Variants in MYH15 observed in about 807,000 individuals in gnomAD.
The protein encoded by MYH15 is myosin-15.
MYH15 carries 227 observed loss-of-function variants against 240.5 expected under a neutral mutation model. The observed-to-expected ratio is 0.94, with a 90% CI of 0.85 to 1.05. The LOEUF is 1.05. Ranked by LOEUF, MYH15 falls within the 50% of genes least tolerant of loss-of-function variation. The pLI is 0.00. For missense variants in MYH15, 2,217 were observed against 2,247.5 expected (o/e 0.99, Z 0.27); for synonymous variants, 785 against 796.7 (o/e 0.99, Z 0.25).
At chr3:108,388,419 G>A (rs2082399118) in intron 38 of MYH15, among the ~76,000 whole-genome samples, 1 of 152,192 alleles carries the variant, frequency 6.6e-6, no homozygotes, top group African/African-American at 2.4e-5. Flanking sequence ...TATTGCTTGA[G>A]ACCAATGTTA....
the MYH15 span, among the ~76,000 whole-genome samples, chr3:108,544,403 C>T: frequency 2.6e-5 from 4 of 152,194 alleles, no homozygotes; most frequent in South Asian, 6.2e-4. Context: ...GAAACATAGC[C>T]TCTGAAAATA....
At chr3:108,401,223 T>C (rs1490625053) in intron 33 of MYH15, among the ~76,000 whole-genome samples, 1 of 152,172 alleles carries the variant, frequency 6.6e-6, no homozygotes, top group African/African-American at 2.4e-5. Flanking sequence ...TATTTGGAGA[T>C]AGGGCCTTTA....
At chr3:108,422,162 CTACAGATTT>C (rs938051197) in intron 27 of MYH15, among the ~76,000 whole-genome samples, 1 of 151,644 alleles carries the variant, frequency 6.6e-6, no homozygotes, top group Admixed American at 6.6e-5. Flanking sequence ...TTCCATGGTT[CTACAGATTT>C]TACATAGCTG....
Position 108,505,750 on chromosome 3 carries a change from T to C in MYH15, c.168A>G (p.Thr56=), listed in dbSNP as rs753612120. 5 of 1,612,568 alleles carry C rather than the reference T, an allele frequency of 3.1e-6. No individual in the cohort carries two copies. The highest frequency in any genetic ancestry group is 2.2e-5 in the South Asian group (2 of 90,798). ...CTCCATCTGCTGTCTCAACAATTACTGTTCCATCATCTTCACTCCCTTTTA... is the reference window on the plus strand; with the variant it reads ...CTCCATCTGCTGTCTCAACAATTACCGTTCCATCATCTTCACTCCCTTTTA... ...AEVKGSEDDG[T]VIVETADGES... The change falls in exon 2 of 41, where the codon ACA becomes ACG. Residue 56 remains threonine (T), a synonymous_variant. Coordinates refer to ENST00000693548, the MANE Select transcript of MYH15 (RefSeq NM_014981.3).
chr3:108,522,136 C>T (rs571853143), intron 1 of MYH15, among the ~76,000 whole-genome samples: 36 of 151,944 alleles, frequency 2.4e-4, no homozygotes, highest in Non-Finnish European at 5.0e-4. Flanking sequence ...CCAATAGACT[C>T]GGAGGGCAGG....
In MYH15 at chr3:108,454,168, C is replaced by T. The variant is rs1576243147; in HGVS notation, c.2263-26G>A. 5 of 1,595,066 alleles carry T rather than the reference C, an allele frequency of 3.1e-6. No homozygotes were observed. In the East Asian group the frequency reaches 1.1e-4, roughly 36 times the overall value. ...CTAAAGGAAAAGTCAGATGTTAGCT[C>T]CACTGATAATGGGTATTCAGCAAAT... On this transcript the variant is annotated intron_variant, in intron 20 of 40. Transcript: ENST00000693548.
Position 108,389,037 on chromosome 3 carries a change from C to T in MYH15, c.5468G>A (p.Arg1823His), listed in dbSNP as rs759496300. The T allele has an allele frequency of 4.3e-5, 69 of 1,613,854 alleles. No individual in the cohort carries two copies. The highest frequency in any genetic ancestry group is 2.7e-4 in the East Asian group (12 of 44,880). ...TCCCCTCTGGGCCTCTGCACTGCGA[C>T]GGATTTCACCCTCCAGTTCACCTTC... ...ELEGELEGEIRRSAEAQRGAR... is the reference protein window; with the variant it reads ...ELEGELEGEIHRSAEAQRGAR... The change falls in exon 38 of 41, where the codon CGT (arginine) becomes CAT (histidine). Residue 1823 changes from arginine to histidine, a missense_variant. By Grantham distance (29) the Arg-to-His change is conservative. Transcript: ENST00000693548.
chr3:108,528,262 A>G (rs1312553458), intron 1 of MYH15, among the ~76,000 whole-genome samples: 1 of 152,216 alleles, frequency 6.6e-6, no homozygotes, highest in Non-Finnish European at 1.5e-5. Context: ...ATAAATAGAA[A>G]AAAATAATTA....
intron 1 of MYH15, among the ~76,000 whole-genome samples, chr3:108,507,358 G>A (rs2107248435): frequency 6.7e-6 from 1 of 149,752 alleles, no homozygotes; most frequent in Admixed American, 6.7e-5. Flanking sequence ...AAAGCCTTTG[G>A]CTGAAGGAGG....
intron 25 of MYH15, among the ~76,000 whole-genome samples, chr3:108,431,963 G>C (rs376768606): frequency 1.3e-5 from 2 of 152,198 alleles, no homozygotes; most frequent in African/African-American, 4.8e-5. Flanking sequence ...GTGGAACTTT[G>C]AACTTCAGAG....
At chr3:108,422,220 CTTTTTT>C (rs35897568) in intron 27 of MYH15, among the ~76,000 whole-genome samples, 1 of 122,936 alleles carries the variant, frequency 8.1e-6, no homozygotes, top group East Asian at 2.1e-4. Flanking sequence ...TTTTTATTAT[CTTTTTT>C]TTTTTTTTTT....
Position 108,505,736 on chromosome 3 carries a change from G to T in MYH15, c.182C>A (p.Thr61Lys). The T allele has an allele frequency of 6.2e-7, 1 of 1,608,408 alleles. No homozygotes were observed. Among genetic ancestry groups the T allele is most frequent in the Non-Finnish European group, 8.5e-7 (1 of 1,176,986 alleles). ...AAATTTCTTTACCTCTCCATCTGCT[G>T]TCTCAACAATTACTGTTCCATCATC... ...SEDDGTVIVE[T>K]ADGESLSIKE... The change falls in exon 2 of 41, where the codon ACA (threonine) becomes AAA (lysine). Residue 61 changes from threonine (T) to lysine (K), a missense_variant. By Grantham distance (78) the Thr-to-Lys change is moderately conservative. Transcript: ENST00000693548.
At chr3:108,411,534 G>A (rs187548570) in intron 30 of MYH15, among the ~76,000 whole-genome samples, 1 of 152,222 alleles carries the variant, frequency 6.6e-6, no homozygotes, top group South Asian at 2.1e-4. Flanking sequence ...CTGTTCTTAT[G>A]GGGTTTTTTA....
rs1465670163 is a variant in MYH15 at position 108,505,839 on chromosome 3, A to C, written c.89-10T>G. 2 of 197,356 alleles carry C rather than the reference A, an allele frequency of 1.0e-5. No homozygotes were observed. The highest frequency in any genetic ancestry group is 4.0e-5 in the African/African-American group (1 of 25,084). 12.2% of individuals were successfully genotyped at this position (197,356 alleles called of 1,614,324 possible). On this transcript the variant is annotated splice_polypyrimidine_tract_variant and intron_variant, in intron 1 of 40. Transcript: ENST00000693548. ...CAGCATTTCTTCTTCCCTGTAGAGC[A>C]AAAAAAAAAAAAAATGGATTATAGC...
In MYH15 at chr3:108,428,515, C is replaced by G. The variant is rs1386051551; in HGVS notation, c.3679G>C (p.Val1227Leu). 5.6e-6 allele frequency: 9 copies of G among 1,613,626 alleles called. No homozygotes were observed. Among genetic ancestry groups the G allele is most frequent in the Non-Finnish European group, 7.6e-6 (9 of 1,179,822 alleles). Residue 1227 changes from valine (V) to leucine (L), a missense_variant, in exon 27 of 41, where the codon GTT (valine) becomes CTT (leucine). Transcript: ENST00000693548. ...QLEVDDLLTR[V>L]EQMTRAKANA... is the part of the protein sequence containing the mutation. ...ACCTTAGCTCTTGTCATCTGCTCAA[C>G]ACGGGTCAGGAGGTCATCTACTTCT...
intron 2 of MYH15, among the ~76,000 whole-genome samples, chr3:108,505,172 C>T (rs2083465730): frequency 6.6e-6 from 1 of 152,162 alleles, no homozygotes; most frequent in African/African-American, 2.4e-5. Context: ...GTAGAAATGG[C>T]TGTGAGTTCT....
intron 25 of MYH15, among the ~76,000 whole-genome samples, chr3:108,436,696 G>A (rs959537491): frequency 7.9e-5 from 12 of 152,044 alleles, no homozygotes; most frequent in Non-Finnish European, 1.5e-5. Context: ...ATGCCATCAC[G>A]CCCAGCTAAT....
chr3:108,389,617 T>C (rs1321618206), intron 37 of MYH15, among the ~76,000 whole-genome samples: 1 of 152,198 alleles, frequency 6.6e-6, no homozygotes, highest in African/African-American at 2.4e-5. Context: ...ACCCCAGTGC[T>C]AGCAATACAG....
chr3:108,548,092 G>A, the MYH15 span, among the ~76,000 whole-genome samples: 1 of 152,114 alleles, frequency 6.6e-6, no homozygotes, highest in African/African-American at 2.4e-5. Flanking sequence ...TAGCATGAAG[G>A]ATGAGAAGAG....
Sources: gnomAD v4.1 joint callset for allele counts (sites outside exome capture counted in the v4.1 genomes callset) on GRCh38, gnomAD v4.1.1 for gene constraint, MANE v1.5 for transcripts, NCBI Gene and HGNC (gene_info 2026-07-23, HGNC 2026-07-21) for gene names.